CNTN5: variants seen among roughly 807,000 people sequenced by gnomAD.
CNTN5 encodes contactin-5.
A neutral mutation model predicts 129.1 loss-of-function variants in CNTN5; 77 were observed. That is an observed-to-expected ratio of 0.60 (90% CI 0.50 to 0.72). The LOEUF is 0.72. Ranked by LOEUF, CNTN5 falls within the 30% of genes least tolerant of loss-of-function variation. CNTN5 has a pLI of 0.00. For synonymous variants in CNTN5, 509 were observed against 465.6 expected (o/e 1.09, Z -1.20); for missense variants, 1,478 against 1,328.8 (o/e 1.11, Z -1.75).
intron 16 of CNTN5, among the ~76,000 whole-genome samples, chr11:100,229,317 A>G (rs1438785478): frequency 1.3e-5 from 2 of 152,212 alleles, no homozygotes; most frequent in Admixed American, 6.5e-5. Context: ...GCCTTCTATC[A>G]TCATAAGATA....
intron 21 of CNTN5, among the ~76,000 whole-genome samples, chr11:100,329,081 G>A (rs139294267): frequency 1.3e-5 from 2 of 152,144 alleles, no homozygotes; most frequent in Non-Finnish European, 2.9e-5. Flanking sequence ...GCTATTGGAG[G>A]GGGGCGTGGT....
At chr11:99,585,861 G>A (rs1949776267) in intron 3 of CNTN5, among the ~76,000 whole-genome samples, 1 of 152,092 alleles carries the variant, frequency 6.6e-6, no homozygotes, top group African/African-American at 2.4e-5. Context: ...ATATATCCAA[G>A]GAAATTACTG....
At chr11:100,321,130 AG>A (rs1188951579) in intron 21 of CNTN5, among the ~76,000 whole-genome samples, 5 of 152,066 alleles carry the variant, frequency 3.3e-5, no homozygotes, top group Non-Finnish European at 5.9e-5. Context: ...ATGACTCTAT[AG>A]GTCCTTTTAG....
rs71050010 is a variant in CNTN5, at chr11:99,639,559, G to GTTTTTTTT, written c.55+83306_55+83313dup. Among the ~76,000 whole-genome samples, 87 of 70,274 alleles carry GTTTTTTTT rather than the reference G, an allele frequency of 1.2e-3. 4 individuals are homozygous for GTTTTTTTT. The highest frequency in any genetic ancestry group is 0.019 in the Middle Eastern group (1 of 54). The allele number at this position is 70,274 out of a possible 152,430, so 46.1% of individuals were successfully genotyped here. ...TTAACAGCACCCAAGTCACCTTTAT[G>GTTTTTTTT]TTTTTTTTTTTTTTTTTTTTTTTGA... is the stretch of plus-strand genomic sequence containing the variant. On this transcript the variant is annotated intron_variant, in intron 3 of 24. Transcript: ENST00000524871.
chr11:99,922,215 T>G (rs1176454024), intron 7 of CNTN5, among the ~76,000 whole-genome samples: 1 of 152,146 alleles, frequency 6.6e-6, no homozygotes, highest in Non-Finnish European at 1.5e-5. Flanking sequence ...AACTGCCCTT[T>G]CTAAAGCCAC....
chr11:99,502,212 A>C (rs1020816358), intron 2 of CNTN5, among the ~76,000 whole-genome samples: 2 of 152,242 alleles, frequency 1.3e-5, no homozygotes, highest in African/African-American at 4.8e-5. Flanking sequence ...TGAGAAAAAC[A>C]GTACAGGTAG....
intron 3 of CNTN5, among the ~76,000 whole-genome samples, chr11:99,614,271 G>A (rs1950688133): frequency 6.6e-6 from 1 of 152,094 alleles, no homozygotes; most frequent in African/African-American, 2.4e-5. Flanking sequence ...TTTTTGTCAT[G>A]TACATACAAT....
chr11:99,929,731 C>T (rs564968744), intron 7 of CNTN5, among the ~76,000 whole-genome samples: 3 of 152,280 alleles, frequency 2.0e-5, no homozygotes, highest in South Asian at 2.1e-4. Context: ...CTGGTTCCCT[C>T]CTAAGACATG....
At chr11:99,830,575 G>C (rs1193729178) in intron 4 of CNTN5, among the ~76,000 whole-genome samples, 1 of 152,014 alleles carries the variant, frequency 6.6e-6, no homozygotes, top group Non-Finnish European at 1.5e-5. Flanking sequence ...ATGAAAATAA[G>C]AATTCTCTCT....
intron 13 of CNTN5, among the ~76,000 whole-genome samples, chr11:100,087,757 C>T (rs575344989): frequency 7.9e-5 from 12 of 151,974 alleles, no homozygotes; most frequent in African/African-American, 2.9e-4. Flanking sequence ...CTGGACTTAA[C>T]TTGACCAACT....
intron 1 of CNTN5, among the ~76,000 whole-genome samples, chr11:99,107,322 C>T (rs1265779348): frequency 2.6e-5 from 4 of 152,002 alleles, no homozygotes; most frequent in Admixed American, 2.0e-4. Flanking sequence ...CAAATTTATG[C>T]AAAATTAAGA....
At chr11:99,532,525 C>T (rs1418284534) in intron 2 of CNTN5, among the ~76,000 whole-genome samples, 1 of 152,030 alleles carries the variant, frequency 6.6e-6, no homozygotes, top group East Asian at 1.9e-4. Context: ...TATGGGTTGG[C>T]CATGTCTCCA....
intron 8 of CNTN5, among the ~76,000 whole-genome samples, chr11:100,000,592 G>C (rs1394759219): frequency 6.6e-6 from 1 of 152,184 alleles, no homozygotes; most frequent in East Asian, 1.9e-4. Flanking sequence ...CTGGGGTCTG[G>C]AGGATGGTGG....
At chr11:99,970,902 T>A (rs1951232821) in intron 8 of CNTN5, among the ~76,000 whole-genome samples, 1 of 152,188 alleles carries the variant, frequency 6.6e-6, no homozygotes, top group African/African-American at 2.4e-5. Flanking sequence ...CTCACAGTTT[T>A]CTGACTCCAT....
At chr11:99,210,626 C>G (rs1402186921) in intron 1 of CNTN5, among the ~76,000 whole-genome samples, 2 of 151,896 alleles carry the variant, frequency 1.3e-5, no homozygotes, top group African/African-American at 4.8e-5. Flanking sequence ...GTCCAAATAC[C>G]CTTCTCAAAA....
intron 1 of CNTN5, among the ~76,000 whole-genome samples, chr11:99,176,592 G>A (rs780012069): frequency 7.2e-5 from 11 of 152,290 alleles, no homozygotes; most frequent in African/African-American, 2.2e-4. Flanking sequence ...CAAGCCAAAA[G>A]CCTTGGAGTC....
intron 4 of CNTN5, among the ~76,000 whole-genome samples, chr11:99,833,977 A>T (rs1947226342): frequency 6.6e-6 from 1 of 152,140 alleles, no homozygotes; most frequent in Non-Finnish European, 1.5e-5. Flanking sequence ...TATAATTGCA[A>T]AGCACAGGAC....
chr11:99,118,958 G>T (rs1018686000), intron 1 of CNTN5, among the ~76,000 whole-genome samples: 1 of 151,418 alleles, frequency 6.6e-6, no homozygotes, highest in Non-Finnish European at 1.5e-5. Context: ...TTTAATTATG[G>T]TAGATAATAT....
chr11:99,489,057 A>G (rs183657860), intron 2 of CNTN5, among the ~76,000 whole-genome samples: 59 of 152,012 alleles, frequency 3.9e-4, no homozygotes, highest in African/African-American at 1.3e-3. Context: ...AAAAAATACT[A>G]TTTTTTTCTA....
Sources: gnomAD v4.1 joint callset for allele counts (sites outside exome capture counted in the v4.1 genomes callset) on GRCh38, gnomAD v4.1.1 for gene constraint, MANE v1.5 for transcripts, NCBI Gene and HGNC (gene_info 2026-07-23, HGNC 2026-07-21) for gene names.